Variants in ABI3 observed in about 807,000 individuals in gnomAD.
ABI3 encodes ABI gene family member 3.
In ABI3, 24 loss-of-function variants were observed where a neutral mutation model predicts 37.0. That is an observed-to-expected ratio of 0.65 (90% CI 0.47 to 0.91). The LOEUF (loss-of-function observed/expected upper bound fraction) is 0.91, where lower values mean the gene tolerates loss of function less well. Among genes scored for constraint, ABI3 ranks in the 40% least tolerant of loss-of-function variants. The probability of loss-of-function intolerance (pLI) is 0.00; values close to 1 mark genes in which losing one functional copy is unlikely to be tolerated. For synonymous variants in ABI3, 220 were observed against 211.8 expected (o/e 1.04, Z -0.34); for missense variants, 481 against 485.1 (o/e 0.99, Z 0.08).
At chr17:49,220,726 A>G (rs1486824399) in intron 6 of ABI3, among the ~76,000 whole-genome samples, 1 of 151,470 alleles carries the variant, frequency 6.6e-6, no homozygotes, top group African/African-American at 2.4e-5. Context: ...AGCCTGTAAT[A>G]CCAGCTACTC....
At chr17:49,222,386 T>C in intron 7 of ABI3, 161 bp downstream of exon 7, 1 of 1,351,694 alleles carries the variant, frequency 7.4e-7, no homozygotes. Flanking sequence ...TGGCCTGGTA[T>C]TAAATATTAA....
intron 1 of ABI3, among the ~76,000 whole-genome samples, chr17:49,211,864 G>A (rs982936003): frequency 1.3e-4 from 19 of 151,810 alleles, no homozygotes; most frequent in African/African-American, 4.4e-4. Context: ...GGCTGGTCTC[G>A]AACTCCTGAC....
In ABI3 at chr17:49,219,640, C is replaced by T. The variant is rs548307935; in HGVS notation, c.548+15C>T. 2.0e-4 allele frequency: 314 copies of T among 1,588,262 alleles called. 1 individual carries two copies. Among genetic ancestry groups the T allele is most frequent in the Admixed American group, 5.3e-5 (3 of 56,512 alleles). Reference sequence around the variant, plus strand: ...GCCACCTTGGGGTGAGGCCTCGCCGCGACGCCAACTAGCCTAGCCCTGCCC... The same window carrying T: ...GCCACCTTGGGGTGAGGCCTCGCCGTGACGCCAACTAGCCTAGCCCTGCCC... On this transcript the variant is annotated intron_variant, in intron 4 of 7. Coordinates refer to ENST00000225941, the MANE Select transcript of ABI3 (RefSeq NM_016428.3). This position sits in a 1 kb window ranked among gnomAD's most constrained non-coding sequence, Gnocchi z 4.3.
chr17:49,217,045 C>T (rs2043226139), intron 2 of ABI3, among the ~76,000 whole-genome samples: 1 of 152,176 alleles, frequency 6.6e-6, no homozygotes. Flanking sequence ...ACCCAGGGTG[C>T]TAGCTTGACA....
intron 6 of ABI3, among the ~76,000 whole-genome samples, chr17:49,221,843 C>T (rs945564846): frequency 3.3e-5 from 5 of 152,238 alleles, no homozygotes; most frequent in South Asian, 2.1e-4. Flanking sequence ...CTCAGTCTCC[C>T]GAGTAGCTGG....
rs761254944 is a variant in ABI3, at chr17:49,217,880, T to C, written c.427T>C (p.Phe143Leu). The change falls in exon 3 of 8, where the codon TTT (phenylalanine) becomes CTT (leucine). Residue 143 changes from phenylalanine to leucine, a missense_variant. Physicochemically the swap from Phe to Leu is conservative, Grantham distance 22. Transcript: ENST00000225941. ...GCCCTACTGCAGGAGACCCCTCAAC[T>C]TTGGCTGCCTGGACGACATTGGCCA... ...LTPYCRRPLN[F>L]GCLDDIGHGI... 3 of 1,578,888 alleles carry C rather than the reference T, an allele frequency of 1.9e-6. No individual in the cohort carries two copies. The highest frequency in any genetic ancestry group is 2.6e-6 in the Non-Finnish European group (3 of 1,165,738).
chr17:49,218,145 T>G (rs1039596800), intron 3 of ABI3, among the ~76,000 whole-genome samples: 2 of 152,210 alleles, frequency 1.3e-5, no homozygotes, highest in Non-Finnish European at 2.9e-5. Flanking sequence ...TGTGAGATCC[T>G]GAGCACCCCT....
chr17:49,223,018 G>T lies in ABI3; in HGVS notation c.*303G>T, dbSNP rs2043310413. The T allele has an allele frequency of 2.0e-6, 1 of 492,836 alleles. No individual in the cohort carries two copies. The highest frequency in any genetic ancestry group is 4.1e-5 in the South Asian group (1 of 24,550). 30.5% of individuals were successfully genotyped at this position (492,836 alleles called of 1,614,324 possible). On this transcript the variant is annotated 3_prime_UTR_variant, in exon 8 of 8. Coordinates refer to ENST00000225941, the MANE Select transcript of ABI3 (RefSeq NM_016428.3). ...TTGAATAAAACAGATGATGTCCTGT[G>T]ACTGCCCCACAGAGATAAGGGGCCA...
At chr17:49,217,598 CG>C (rs1341982488) in intron 2 of ABI3, 140 bp from the exon 3 acceptor site, 5 of 642,462 alleles carry the variant, frequency 7.8e-6, no homozygotes, top group Middle Eastern at 4.2e-4. Flanking sequence ...TGGTGGGGGG[CG>C]GGGGGCGGGG....
At position 49,222,527 on chromosome 17, in the gene ABI3, G is replaced by A. The variant is rs765995027; in HGVS notation, c.938-25G>A. 1.2e-5 allele frequency: 20 copies of A among 1,610,686 alleles called. No homozygotes were observed. In the South Asian group the frequency reaches 1.3e-4, roughly 11 times the overall value. On this transcript the variant is annotated intron_variant, in intron 7 of 7. Transcript: ENST00000225941. Reference sequence around the variant, plus strand: ...GAGAGGGCAAGAGGCATTATCTCACGGCACCCTCTTCTCTTGCCCTGCAGT... The same window carrying A: ...GAGAGGGCAAGAGGCATTATCTCACAGCACCCTCTTCTCTTGCCCTGCAGT...
chr17:49,214,701 ACT>A (rs1481987084), intron 1 of ABI3, among the ~76,000 whole-genome samples: 2 of 151,842 alleles, frequency 1.3e-5, no homozygotes, highest in Non-Finnish European at 2.9e-5. Flanking sequence ...CAAGAGCAAA[ACT>A]CTGTCTCGAA....
chr17:49,214,895 A>T (rs1362372679), intron 1 of ABI3, among the ~76,000 whole-genome samples: 1 of 152,164 alleles, frequency 6.6e-6, no homozygotes. Flanking sequence ...TTTATGAAGA[A>T]TCTTTTGCGT....
chr17:49,223,147 T>C lies in ABI3; in HGVS notation c.*432T>C. 1 of 413,760 alleles carries C rather than the reference T, an allele frequency of 2.4e-6. No individual in the cohort carries two copies. The highest frequency in any genetic ancestry group is 4.3e-6 in the Non-Finnish European group (1 of 235,044). The allele number at this position is 413,760 out of a possible 1,614,324, so 25.6% of individuals were successfully genotyped here. A position where few individuals can be genotyped will look rare whatever the true frequency, so the allele number is the denominator to read the frequency against. ...AAGCAGCATCTTCCCATTTCCTCAGTACCCACAAAGTGCAGCCCACATTGG... is the reference window on the plus strand; with the variant it reads ...AAGCAGCATCTTCCCATTTCCTCAGCACCCACAAAGTGCAGCCCACATTGG... On this transcript the variant is annotated 3_prime_UTR_variant, in exon 8 of 8. Transcript: ENST00000225941.
chr17:49,219,385 T>G lies in ABI3; in HGVS notation c.463-155T>G, dbSNP rs1470592149. ...TGACAAGGGGGTGGGGTGGGGGAAG[T>G]GTAGGAGAGGGGCCTGAGAAGTGGA... On this transcript the variant is annotated intron_variant, in intron 3 of 7. Transcript: ENST00000225941. This position sits in a 1 kb window ranked among gnomAD's most constrained non-coding sequence, Gnocchi z 4.3. Among the ~76,000 whole-genome samples the G allele has an allele frequency of 1.3e-5, 2 of 151,504 alleles. No individual in the cohort carries two copies. Among genetic ancestry groups the G allele is most frequent in the Non-Finnish European group, 2.9e-5 (2 of 67,848 alleles).
Position 49,210,887 on chromosome 17 carries a change from GGACC to G in ABI3, c.117+47_117+50del. The G allele has an allele frequency of 6.7e-7, 1 of 1,497,618 alleles. No homozygotes were observed. The highest frequency in any genetic ancestry group is 9.1e-7 in the Non-Finnish European group (1 of 1,102,896). The allele number at this position is 1,497,618 out of a possible 1,614,324, so 92.8% of individuals were successfully genotyped here. A position where few individuals can be genotyped will look rare whatever the true frequency, so the allele number is the denominator to read the frequency against. On this transcript the variant is annotated intron_variant, in intron 1 of 7. Transcript: ENST00000225941. This position sits in a 1 kb window ranked among gnomAD's most constrained non-coding sequence, Gnocchi z 4.2. ...CCTGACACCCCAGCCCCCGGAGGGG[GGACC>G]CTGAGCCCTGCCCCAAGTGGGGCCC...
intron 1 of ABI3, among the ~76,000 whole-genome samples, chr17:49,212,733 C>T (rs527435124): frequency 3.5e-4 from 53 of 152,290 alleles, no homozygotes; most frequent in Non-Finnish European, 5.3e-4. Context: ...TGAATTCAAA[C>T]GCAGAAATCT....
intron 6 of ABI3, among the ~76,000 whole-genome samples, chr17:49,220,774 G>A (rs994398081): frequency 6.6e-6 from 1 of 151,470 alleles, no homozygotes; most frequent in East Asian, 1.9e-4. Flanking sequence ...AACCTGGGAG[G>A]CGGAGTTTGC....
chr17:49,214,210 G>A (rs1340648029), intron 1 of ABI3, among the ~76,000 whole-genome samples: 3 of 152,190 alleles, frequency 2.0e-5, no homozygotes, highest in Non-Finnish European at 2.9e-5. Context: ...GCTCAAGCAA[G>A]GGGACCCCAG....
At chr17:49,212,558 T>G (rs1406575119) in intron 1 of ABI3, among the ~76,000 whole-genome samples, 1 of 152,238 alleles carries the variant, frequency 6.6e-6, no homozygotes, top group Non-Finnish European at 1.5e-5. Flanking sequence ...GCAGTTAAAA[T>G]GCTCTGGACC....
Sources: gnomAD v4.1 joint callset for allele counts (sites outside exome capture counted in the v4.1 genomes callset) on GRCh38, gnomAD v4.1.1 for gene constraint, Gnocchi (gnomAD v3.1) non-coding constraint, MANE v1.5 for transcripts, NCBI Gene and HGNC (gene_info 2026-07-23, HGNC 2026-07-21) for gene names.